Variants in SLCO1A2 observed in about 807,000 individuals in gnomAD.
The protein encoded by SLCO1A2 is OATP-1.
SLCO1A2 carries 67 observed loss-of-function variants against 69.0 expected under a neutral mutation model. The observed-to-expected ratio is 0.97, with a 90% confidence interval of 0.80 to 1.19. The LOEUF is 1.19. SLCO1A2 is among the 50% of genes most tolerant of loss of function. SLCO1A2 has a pLI of 0.00. For synonymous variants in SLCO1A2, 260 were observed against 265.9 expected, an observed-to-expected ratio of 0.98 and a Z score of 0.22; for missense variants, 787 against 793.7, an observed-to-expected ratio of 0.99 and a Z score of 0.10.
chr12:21,417,459 G>A (rs1052247821), intron 1 of SLCO1A2, among the ~76,000 whole-genome samples: 2 of 147,232 alleles, frequency 1.4e-5, no homozygotes, highest in African/African-American at 2.5e-5. Flanking sequence ...AAAAGCAGAA[G>A]GCCGTTACTT....
intron 8 of SLCO1A2, 89 bp downstream of exon 8, chr12:21,300,259 A>G: frequency 2.2e-6 from 2 of 918,534 alleles, no homozygotes. Context: ...TCAACACAGC[A>G]TAGCATATCA....
At chr12:21,297,098 T>C (rs1044438967) in intron 9 of SLCO1A2, among the ~76,000 whole-genome samples, 1 of 152,196 alleles carries the variant, frequency 6.6e-6, no homozygotes, top group Non-Finnish European at 1.5e-5. Flanking sequence ...ATGTAATTTT[T>C]GCACTCCCAA....
intron 1 of SLCO1A2, among the ~76,000 whole-genome samples, chr12:21,391,334 T>C (rs574826545): frequency 1.3e-5 from 2 of 152,274 alleles, no homozygotes; most frequent in South Asian, 2.1e-4. Flanking sequence ...GTGGAGCTGA[T>C]GACATGCCTC....
intron 1 of SLCO1A2, among the ~76,000 whole-genome samples, chr12:21,377,890 A>T (rs1341560870): frequency 6.6e-6 from 1 of 152,108 alleles, no homozygotes; most frequent in Non-Finnish European, 1.5e-5. Context: ...TTACCTTCTA[A>T]ATTCTTTTTA....
intron 14 of SLCO1A2, among the ~76,000 whole-genome samples, chr12:21,273,409 G>A (rs1203439462): frequency 6.6e-6 from 1 of 152,094 alleles, no homozygotes; most frequent in Non-Finnish European, 1.5e-5. Flanking sequence ...CAGAAATGTA[G>A]GGATCCATGG....
At chr12:21,400,027 G>T (rs2137186604), upstream of SLCO1A2, among the ~76,000 whole-genome samples, 1 of 151,562 alleles carries the variant, frequency 6.6e-6, no homozygotes, top group Admixed American at 6.6e-5. Context: ...TTGACAAATG[G>T]GATCTAATTA....
chr12:21,403,041 T>G (rs1186876187), intron 1 of SLCO1A2, among the ~76,000 whole-genome samples: 2 of 152,056 alleles, frequency 1.3e-5, no homozygotes, highest in African/African-American at 4.8e-5. Context: ...TGATCAGAAT[T>G]TGAACGATGG....
intron 2 of SLCO1A2, among the ~76,000 whole-genome samples, chr12:21,349,690 G>T (rs1192469789): frequency 6.6e-6 from 1 of 151,992 alleles, no homozygotes; most frequent in South Asian, 2.1e-4. Flanking sequence ...TATACTCCAC[G>T]CACTAACCAA....
At chr12:21,403,387 CACA>C (rs1941768651) in intron 1 of SLCO1A2, 1 of 152,028 alleles carries the variant, frequency 6.6e-6, no homozygotes, top group African/African-American at 2.4e-5. Flanking sequence ...AATTGCAACC[CACA>C]ACAACCCAAA....
At position 21,314,676 on chromosome 12, in the gene SLCO1A2, G is replaced by C. The variant is rs145456505; in HGVS notation, c.208C>G (p.Leu70Val). Residue 70 changes from leucine (L) to valine (V), a missense_variant, in exon 4 of 15, where the codon CTT becomes GTT. Physicochemically the swap from Leu to Val is conservative, Grantham distance 32 (BLOSUM62 1). Transcript: ENST00000683939. ...TAACTCACAAATATAATCAACAAAA[G>C]ATTTCCTAGGAAAAAATTGAGAATA... ...FINGSFEIGN[L>V]LLIIFVSYFG... 1.9e-6 allele frequency: 3 copies of C among 1,596,280 alleles called. No homozygotes were observed. The South Asian group carries it at 3.3e-5, about 18-fold the overall frequency.
At chr12:21,302,601 G>C (rs1029510994) in intron 6 of SLCO1A2, among the ~76,000 whole-genome samples, 2 of 150,552 alleles carry the variant, frequency 1.3e-5, no homozygotes, top group Non-Finnish European at 2.9e-5. Flanking sequence ...GCTCAGGCTG[G>C]AGTGCTCACT....
chr12:21,382,793 CAA>C (rs3060709), intron 1 of SLCO1A2, among the ~76,000 whole-genome samples: 7 of 75,168 alleles, frequency 9.3e-5, no homozygotes, highest in Non-Finnish European at 5.5e-5. Context: ...AACTCCGTCT[CAA>C]AAAAAAAAAA....
Position 21,365,852 on chromosome 12 carries a change from C to G in SLCO1A2, c.-63+8547G>C, listed in dbSNP as rs374444080. On this transcript the variant is annotated intron_variant, in intron 2 of 15. Coordinates refer to the SLCO1A2 transcript ENST00000307378. The stretch of plus-strand genomic sequence containing the variant: ...TGCACATCAAAACCACAATGAGATA[C>G]CATCTCATGCCAGTTAGACTGGCAA... 7.2e-4 allele frequency among the ~76,000 whole-genome samples: 110 copies of G among 152,290 alleles called. 2 individuals are homozygous for G. In the South Asian group the frequency reaches 0.023, roughly 31 times the overall value.
In SLCO1A2 at chr12:21,374,947, G is replaced by A. The variant is rs1462809289; in HGVS notation, c.-189-422C>T. On this transcript the variant is annotated intron_variant, in intron 1 of 15. Coordinates refer to the SLCO1A2 transcript ENST00000307378. ...TCCCACCTCAGCCTCCCAAGTAGCTGGGACCACAGGCACCTGCCACCATAC... is the reference window on the plus strand; with the variant it reads ...TCCCACCTCAGCCTCCCAAGTAGCTAGGACCACAGGCACCTGCCACCATAC... 7.2e-5 allele frequency among the ~76,000 whole-genome samples: 11 copies of A among 152,006 alleles called. No homozygotes were observed. The South Asian group carries it at 2.3e-3, about 32-fold the overall frequency.
chr12:21,401,127 T>C (rs1018857466), intron 1 of SLCO1A2, among the ~76,000 whole-genome samples: 4 of 151,824 alleles, frequency 2.6e-5, no homozygotes, highest in African/African-American at 7.3e-5. Context: ...CATTAGCTAA[T>C]ACAAGAAAAT....
At chr12:21,343,158 GACT>G (rs1192159219) in intron 2 of SLCO1A2, among the ~76,000 whole-genome samples, 1 of 152,068 alleles carries the variant, frequency 6.6e-6, no homozygotes, top group Non-Finnish European at 1.5e-5. Flanking sequence ...GTTGCTTTGG[GACT>G]CTGTAGATAC....
At chr12:21,279,699 G>A (rs879402437) in intron 12 of SLCO1A2, among the ~76,000 whole-genome samples, 1 of 152,184 alleles carries the variant, frequency 6.6e-6, no homozygotes, top group Non-Finnish European at 1.5e-5. Context: ...AAATGCTAAA[G>A]GGAGTACTTC....
At chr12:21,402,271 G>A (rs1941731617) in intron 1 of SLCO1A2, among the ~76,000 whole-genome samples, 1 of 151,912 alleles carries the variant, frequency 6.6e-6, no homozygotes, top group South Asian at 2.1e-4. Context: ...AAACGTATAT[G>A]AGAGGTGAGC....
intron 2 of SLCO1A2, chr12:21,319,714 T>C (rs535632375): frequency 1.1e-5 from 3 of 275,602 alleles, no homozygotes; most frequent in South Asian, 8.2e-5. Flanking sequence ...ATATATACTA[T>C]AAATTTCCAT....
Sources: allele counts gnomAD v4.1 joint callset (sites outside exome capture counted in the v4.1 genomes callset), GRCh38; gene constraint gnomAD v4.1.1; transcripts MANE v1.5; gene names NCBI Gene and HGNC (gene_info 2026-07-23, HGNC 2026-07-21).